GUCY2C: variants seen among roughly 807,000 people sequenced by gnomAD.
The protein encoded by GUCY2C is guanylate cyclase 2C.
In GUCY2C, 118 loss-of-function variants were observed where a neutral mutation model predicts 131.1. That is an observed-to-expected ratio of 0.90 (90% CI 0.78 to 1.05). The LOEUF (loss-of-function observed/expected upper bound fraction) is 1.05. GUCY2C is among the 50% of genes least tolerant of loss of function. The pLI, the probability that GUCY2C is intolerant of heterozygous loss-of-function variation, is 0.00. For missense variants in GUCY2C, 1,161 were observed against 1,304.4 expected, an observed-to-expected ratio of 0.89 and a Z score of 1.69; for synonymous variants, 452 against 457.8, an observed-to-expected ratio of 0.99 and a Z score of 0.16.
At position 14,674,446 on chromosome 12, in the gene GUCY2C, G is replaced by T. The variant is rs1592136548; in HGVS notation, c.1084+179C>A. ...TTCTAAAAGACTGAAACATAAACCG[G>T]AGTTCAGTTATCAATAACAGCACCC... On this transcript the variant is annotated intron_variant, in intron 8 of 26. Transcript: ENST00000261170. 19 of 696,294 alleles carry T rather than the reference G, an allele frequency of 2.7e-5. No homozygotes were observed. In the East Asian group the frequency reaches 5.1e-4, roughly 19 times the overall value. 43.1% of individuals were successfully genotyped at this position (696,294 alleles called of 1,614,324 possible).
intron 10 of GUCY2C, chr12:14,665,637 G>C (rs1233656945): frequency 6.6e-6 from 1 of 152,276 alleles, no homozygotes; most frequent in East Asian, 1.9e-4. Context: ...ACAGGAAGCA[G>C]ATGCTGAGGA....
intron 8 of GUCY2C, 126 bp from the exon 9 acceptor site, chr12:14,673,084 G>A: frequency 1.6e-6 from 1 of 638,138 alleles, no homozygotes. Context: ...AAACATTGTT[G>A]ACATTAATAG....
intron 24 of GUCY2C, among the ~76,000 whole-genome samples, chr12:14,618,072 T>C (rs1592072383): frequency 6.6e-6 from 1 of 152,338 alleles, no homozygotes; most frequent in Middle Eastern, 3.4e-3. Context: ...ATTTTCTCTC[T>C]TCTATATATT....
chr12:14,643,909 G>A (rs955692483), intron 16 of GUCY2C, among the ~76,000 whole-genome samples: 5 of 152,138 alleles, frequency 3.3e-5, no homozygotes, highest in African/African-American at 4.8e-5. Context: ...TTCAAAGTCT[G>A]TTTAAATGAC....
rs1947357694 is a variant in GUCY2C at position 14,639,892 on chromosome 12, G to T, written c.2127C>A (p.Phe709Leu). The T allele has an allele frequency of 2.5e-6, 4 of 1,609,814 alleles. No individual in the cohort carries two copies. Among genetic ancestry groups the T allele is most frequent in the East Asian group, 4.5e-5 (2 of 44,882 alleles). ...GCTCTTTTTCCTCTGCTGTTTCCAA[G>T]AATAAATCTGGGCGGAAGGGTTTCA... ...NGMKPFRPDL[F>L]LETAEEKELE... is the part of the protein sequence containing the mutation. The change falls in exon 19 of 27, where the codon TTC (phenylalanine) becomes TTA (leucine). Residue 709 changes from phenylalanine (F) to leucine (L), a missense_variant. By Grantham distance (22) the Phe-to-Leu change is conservative. Transcript: ENST00000261170.
chr12:14,676,900 G>A lies in GUCY2C; in HGVS notation c.902C>T (p.Pro301Leu). Reference protein sequence around the residue: ...MKNVLVLTLSPGNSLLNSSFS... With the variant: ...MKNVLVLTLSLGNSLLNSSFS... ...AGAGCTATTTAGAAGGGAATTCCCA[G>A]GAGACAGCGTCAGAACAAGGACATT... is the stretch of plus-strand genomic sequence containing the variant. Residue 301 changes from proline (P) to leucine (L), a missense_variant, in exon 7 of 27, where the codon CCT becomes CTT. Physicochemically the swap from Pro to Leu is moderately conservative, Grantham distance 98. Coordinates refer to ENST00000261170, the MANE Select transcript of GUCY2C (RefSeq NM_004963.4). 4 of 1,570,192 alleles carry A rather than the reference G, an allele frequency of 2.5e-6. No individual in the cohort carries two copies. The highest frequency in any genetic ancestry group is 2.4e-5 in the South Asian group (2 of 84,978).
intron 19 of GUCY2C, among the ~76,000 whole-genome samples, chr12:14,635,351 G>A (rs1346432393): frequency 1.3e-5 from 2 of 152,056 alleles, no homozygotes; most frequent in African/African-American, 2.4e-5. Context: ...TAAACAACAT[G>A]CTTCTGAATA....
chr12:14,672,047 T>C (rs1197942158), intron 9 of GUCY2C, among the ~76,000 whole-genome samples: 2 of 151,124 alleles, frequency 1.3e-5, no homozygotes, highest in Non-Finnish European at 2.9e-5. Flanking sequence ...ATTTAGTATA[T>C]GACTTAGACT....
chr12:14,676,974 G>C lies in GUCY2C; in HGVS notation c.831-3C>G. On this transcript the variant is annotated splice_region_variant and splice_polypyrimidine_tract_variant and intron_variant, in intron 6 of 26. Transcript: ENST00000261170. ...CATTGTCCTCAAAGTACTGGTCACTGTAATAAAAAGCACAGGTTCCTCATG... is the reference window on the plus strand; with the variant it reads ...CATTGTCCTCAAAGTACTGGTCACTCTAATAAAAAGCACAGGTTCCTCATG... 1 of 1,129,498 alleles carries C rather than the reference G, an allele frequency of 8.9e-7. No individual in the cohort carries two copies. The allele number at this position is 1,129,498 out of a possible 1,614,324, so 70.0% of individuals were successfully genotyped here.
chr12:14,665,987 A>G (rs895765607), intron 10 of GUCY2C: 1 of 152,302 alleles, frequency 6.6e-6, no homozygotes, highest in Non-Finnish European at 1.5e-5. Context: ...TAGGCAGGAA[A>G]GAAGAGAACA....
intron 15 of GUCY2C, among the ~76,000 whole-genome samples, chr12:14,648,702 T>C (rs989760068): frequency 1.3e-5 from 2 of 152,372 alleles, no homozygotes; most frequent in Non-Finnish European, 2.9e-5. Context: ...AATATCTTTC[T>C]TTCAGAGAGC....
intron 6 of GUCY2C, among the ~76,000 whole-genome samples, chr12:14,678,994 C>T (rs996631328): frequency 6.6e-6 from 1 of 152,098 alleles, no homozygotes; most frequent in African/African-American, 2.4e-5. Flanking sequence ...CTAGTGACTA[C>T]GCCACAGAGG....
chr12:14,670,890 T>A (rs1322439136), intron 9 of GUCY2C, among the ~76,000 whole-genome samples: 1 of 149,360 alleles, frequency 6.7e-6, no homozygotes, highest in Non-Finnish European at 1.5e-5. Context: ...ACTGGGGAGG[T>A]CTCATAATCA....
chr12:14,640,931 ATTC>A (rs1947388139), intron 18 of GUCY2C, 148 bp downstream of exon 18: 5 of 661,040 alleles, frequency 7.6e-6, no homozygotes, highest in Non-Finnish European at 1.3e-5. Flanking sequence ...TCTTCCTTAT[ATTC>A]TTATAAAATG....
rs779195451 is a variant in GUCY2C, at chr12:14,628,687, T to C, written c.2208A>G (p.Pro736=). The change falls in exon 20 of 27, where the codon CCA becomes CCG. Residue 736 remains proline, a synonymous_variant. Transcript: ENST00000261170. ...NCWEEDPEKR[P]DFKKIETTLA... is the part of the protein sequence containing the mutation. ...GTGTAGTCTCAATTTTTTTGAAATCTGGTCTCTTTTCTGGATCTTCCTCCC... is the reference window on the plus strand; with the variant it reads ...GTGTAGTCTCAATTTTTTTGAAATCCGGTCTCTTTTCTGGATCTTCCTCCC... 2.5e-6 allele frequency: 4 copies of C among 1,602,280 alleles called. No homozygotes were observed. The Admixed American group carries it at 5.0e-5, about 20-fold the overall frequency.
intron 24 of GUCY2C, among the ~76,000 whole-genome samples, chr12:14,618,505 C>T (rs113309990): frequency 0.014 from 2,079 of 151,994 alleles, 63 homozygotes; most frequent in African/African-American, 0.048. Flanking sequence ...AGAGTGAGAC[C>T]CCATCTCAAA....
intron 21 of GUCY2C, among the ~76,000 whole-genome samples, chr12:14,622,610 T>C (rs74533001): frequency 0.03 from 4,621 of 152,272 alleles, 130 homozygotes; most frequent in Non-Finnish European, 0.041. Context: ...TCACCACAGG[T>C]ATCAGATCTG....
chr12:14,667,658 T>C (rs7953344), intron 10 of GUCY2C, among the ~76,000 whole-genome samples: 115,913 of 152,100 alleles, frequency 0.76, 45,403 homozygotes, highest in Non-Finnish European at 0.86. Flanking sequence ...GCGGGGCTGG[T>C]ATAAAAATAT....
intron 19 of GUCY2C, among the ~76,000 whole-genome samples, chr12:14,636,423 C>T (rs1183194583): frequency 3.3e-5 from 5 of 152,078 alleles, no homozygotes; most frequent in African/African-American, 1.2e-4. Flanking sequence ...TTGATAAAAA[C>T]TCTCAAAAAA....
Sources: gnomAD v4.1 joint callset for allele counts (sites outside exome capture counted in the v4.1 genomes callset) on GRCh38, gnomAD v4.1.1 for gene constraint, MANE v1.5 for transcripts, NCBI Gene and HGNC (gene_info 2026-07-23, HGNC 2026-07-21) for gene names.